Variants in NOX4 observed in about 807,000 individuals in gnomAD.
The protein encoded by NOX4 is NADPH oxidase 4, also known as kidney oxidase-1.
A neutral mutation model predicts 87.6 loss-of-function variants in NOX4; 69 were observed. That is an observed-to-expected ratio of 0.79 (90% CI 0.65 to 0.96). NOX4 has a LOEUF of 0.96. Among genes scored for constraint, NOX4 ranks in the 40% least tolerant of loss-of-function variants. NOX4 has a pLI of 0.00. For missense variants in NOX4, 680 were observed against 681.5 expected (o/e 1.00, Z 0.02); for synonymous variants, 275 against 238.2 (o/e 1.15, Z -1.42).
the NOX4 span, among the ~76,000 whole-genome samples, chr11:89,533,393 T>C: frequency 2.0e-5 from 3 of 152,144 alleles, no homozygotes; most frequent in Admixed American, 6.5e-5. Context: ...GTTCACAGTC[T>C]AGTGGGAGAA....
intron 2 of NOX4, among the ~76,000 whole-genome samples, chr11:89,468,642 G>T (rs7102637): frequency 0.016 from 2,389 of 152,226 alleles, 63 homozygotes; most frequent in African/African-American, 0.054. Flanking sequence ...GTGAGAGAAG[G>T]TACATAAATG....
In NOX4 at chr11:89,444,185, T is replaced by A. The variant is rs1408134466; in HGVS notation, c.397A>T (p.Asn133Tyr). The A allele has an allele frequency of 6.2e-7, 1 of 1,613,622 alleles. No individual in the cohort carries two copies. Among genetic ancestry groups the A allele is most frequent in the East Asian group, 2.2e-5 (1 of 44,846 alleles). Residue 133 changes from asparagine (N) to tyrosine (Y), a missense_variant, in exon 5 of 18, where the codon AAT becomes TAT. Coordinates refer to ENST00000263317, the MANE Select transcript of NOX4 (RefSeq NM_016931.5). ...AGTTCAACAAAGTCTTCACTGTAAT[T>A]CACTGAGAAGTTGAGGGCATTCACC... Reference protein sequence around the residue: ...HLVNALNFSVNYSEDFVELNA... With the variant: ...HLVNALNFSVYYSEDFVELNA...
At position 89,464,511 on chromosome 11, in the gene NOX4, A is replaced by G. The variant is rs183566990; in HGVS notation, c.154-12616T>C. Among the ~76,000 whole-genome samples the G allele has an allele frequency of 1.6e-4, 24 of 152,286 alleles. No individual in the cohort carries two copies. The East Asian group carries it at 4.4e-3, about 28-fold the overall frequency. On this transcript the variant is annotated intron_variant, in intron 2 of 17. Coordinates refer to ENST00000263317, the MANE Select transcript of NOX4 (RefSeq NM_016931.5). ...ATGAGCAATATTCTATTAGCTAAAC[A>G]GATTGTTTTGTTTGATCATTATTAA... is the stretch of plus-strand genomic sequence containing the variant.
intron 11 of NOX4, among the ~76,000 whole-genome samples, chr11:89,387,892 C>T (rs1940827294): frequency 6.6e-6 from 1 of 152,122 alleles, no homozygotes; most frequent in African/African-American, 2.4e-5. Context: ...AAAATACTTG[C>T]AGACATCCAT....
the NOX4 span, among the ~76,000 whole-genome samples, chr11:89,576,702 T>C: frequency 1.3e-5 from 2 of 152,186 alleles, no homozygotes; most frequent in Admixed American, 6.5e-5. Flanking sequence ...TTTTGGCTTA[T>C]AGGACATTCC....
chr11:89,450,069 T>G (rs1423108220), intron 3 of NOX4, among the ~76,000 whole-genome samples: 3 of 152,156 alleles, frequency 2.0e-5, no homozygotes, highest in Non-Finnish European at 4.4e-5. Flanking sequence ...TGAATCACTG[T>G]TTCACACTCG....
At position 89,490,835 on chromosome 11, in the gene NOX4, T is replaced by A. The variant is rs367771715; in HGVS notation, c.58-282A>T. 7.7e-4 allele frequency: 536 copies of A among 699,146 alleles called. 7 individuals are homozygous for A. The highest frequency in any genetic ancestry group is 6.2e-3 in the South Asian group (413 of 66,366). The allele number at this position is 699,146 out of a possible 1,614,324, so 43.3% of individuals were successfully genotyped here. A position where few individuals can be genotyped will look rare whatever the true frequency, so the allele number is the denominator to read the frequency against. On this transcript the variant is annotated intron_variant, in intron 1 of 17. Coordinates refer to ENST00000263317, the MANE Select transcript of NOX4 (RefSeq NM_016931.5). ...TGCCGTACAAAATGAGATTAAGAAA[T>A]TAATGACATCACCATACCCCAAGCA... is the stretch of plus-strand genomic sequence containing the variant.
At chr11:89,581,964 C>A in the NOX4 span, among the ~76,000 whole-genome samples, 38,877 of 151,988 alleles carry the variant, frequency 0.26, 5,734 homozygotes, top group Middle Eastern at 0.38. Context: ...AGTAGATATC[C>A]AAAACTTATT....
chr11:89,438,904 TAATATATAATATAA>T (rs1202983018), intron 6 of NOX4, among the ~76,000 whole-genome samples: 1 of 49,264 alleles, frequency 2.0e-5, no homozygotes, highest in Non-Finnish European at 3.6e-5. Flanking sequence ...ATTATATATA[TAATATATAATATAA>T]AATATATATA....
At chr11:89,427,765 C>G (rs780026665) in intron 7 of NOX4, among the ~76,000 whole-genome samples, 6 of 152,048 alleles carry the variant, frequency 3.9e-5, no homozygotes, top group African/African-American at 1.2e-4. Flanking sequence ...AAAGTGACGG[C>G]GAGAATGGAA....
chr11:89,562,467 T>C, the NOX4 span, among the ~76,000 whole-genome samples: 4 of 152,144 alleles, frequency 2.6e-5, no homozygotes, highest in South Asian at 4.2e-4. Flanking sequence ...GATTCCGATA[T>C]AAGTAACCTG....
the NOX4 span, among the ~76,000 whole-genome samples, chr11:89,562,752 A>G: frequency 1.3e-5 from 2 of 152,214 alleles, no homozygotes; most frequent in Non-Finnish European, 2.9e-5. Flanking sequence ...TAATGCTATT[A>G]TGAGACTTTT....
Position 89,449,497 on chromosome 11 carries a change from A to G in NOX4, c.292T>C (p.Leu98=), listed in dbSNP as rs757531824. ...KVPSRRTRRL[L]DKSRTFHITC... ...ATATGGAATGTTCTGCTTTTATCCA[A>G]CAATCTCCTGGTTCTCCTGCTTGGA... Residue 98 remains leucine, a synonymous_variant, in exon 4 of 18, where the codon TTG becomes CTG. Transcript: ENST00000263317. 6 of 1,612,160 alleles carry G rather than the reference A, an allele frequency of 3.7e-6. No homozygotes were observed. The Admixed American group carries it at 1.0e-4, about 27-fold the overall frequency.
At chr11:89,503,100 GAAC>G (rs2135513189), upstream of NOX4, among the ~76,000 whole-genome samples, 1 of 152,042 alleles carries the variant, frequency 6.6e-6, no homozygotes, top group African/African-American at 2.4e-5. Flanking sequence ...AAATTTGGAA[GAAC>G]AACAGTAGAG....
Position 89,348,666 on chromosome 11 carries a change from G to A in NOX4, c.1217+6296C>T, listed in dbSNP as rs571719738. 5.3e-5 allele frequency among the ~76,000 whole-genome samples: 8 copies of A among 152,144 alleles called. No homozygotes were observed. In the East Asian group the frequency reaches 7.8e-4, roughly 15 times the overall value. On this transcript the variant is annotated intron_variant, in intron 13 of 17. Coordinates refer to ENST00000263317, the MANE Select transcript of NOX4 (RefSeq NM_016931.5). ...CTGTCCACATTTCTCCTTATACCTCGACTCCAAGTGTATGTGTGCTTGCAC... is the reference window on the plus strand; with the variant it reads ...CTGTCCACATTTCTCCTTATACCTCAACTCCAAGTGTATGTGTGCTTGCAC...
intron 11 of NOX4, among the ~76,000 whole-genome samples, chr11:89,378,889 G>A (rs971469467): frequency 6.6e-6 from 1 of 152,136 alleles, no homozygotes; most frequent in African/African-American, 2.4e-5. Context: ...CACAATTAAT[G>A]CAACATCATG....
At chr11:89,542,443 A>AT in the NOX4 span, among the ~76,000 whole-genome samples, 11 of 152,152 alleles carry the variant, frequency 7.2e-5, no homozygotes, top group Admixed American at 2.0e-4. Context: ...AAGTTATGTG[A>AT]TTTTTTTTAG....
At chr11:89,437,242 C>A (rs1431434364) in intron 6 of NOX4, among the ~76,000 whole-genome samples, 1 of 151,928 alleles carries the variant, frequency 6.6e-6, no homozygotes, top group Non-Finnish European at 1.5e-5. Flanking sequence ...GTGACGGGCA[C>A]CTGTAATCCC....
chr11:89,505,379 G>C, the NOX4 span, among the ~76,000 whole-genome samples: 1 of 151,892 alleles, frequency 6.6e-6, no homozygotes, highest in Non-Finnish European at 1.5e-5. Flanking sequence ...ATTAGAAACA[G>C]TATAAATAAT....
Sources: allele counts gnomAD v4.1 joint callset (sites outside exome capture counted in the v4.1 genomes callset), GRCh38; gene constraint gnomAD v4.1.1; transcripts MANE v1.5; gene names NCBI Gene and HGNC (gene_info 2026-07-23, HGNC 2026-07-21).